The following BASP1 variants were observed in gnomAD, a reference collection of about 807,000 sequenced individuals.
The protein encoded by BASP1 is brain abundant membrane attached signal protein 1.
A neutral mutation model predicts 2.2 loss-of-function variants in BASP1; 1 was observed. The ratio of observed to expected loss-of-function variants is 0.46; its 90% CI spans 0.16 to 2.17. The LOEUF (loss-of-function observed/expected upper bound fraction) is 2.17. BASP1 is among the 30% of genes most tolerant of loss of function. The probability of loss-of-function intolerance (pLI) is 0.27; values close to 1 mark genes in which losing one functional copy is unlikely to be tolerated. For missense variants in BASP1, 352 were observed against 327.2 expected (o/e 1.08, Z -0.58); for synonymous variants, 187 against 154.2 (o/e 1.21, Z -1.58).
rs55917297 is a variant in BASP1, at chr5:17,276,633, G to GAAAAAAAAAAA, written c.*742_*752dup. 9.6e-6 allele frequency: 1 copy of GAAAAAAAAAAA among 104,660 alleles called. No individual in the cohort carries two copies. The highest frequency in any genetic ancestry group is 4.0e-5 in the African/African-American group (1 of 24,706). 6.5% of individuals were successfully genotyped at this position (104,660 alleles called of 1,614,324 possible). ...GTTCTGTTTATTGGTCAGTGGAAAT[G>GAAAAAAAAAAA]AAAAAAAAAAAAAAAAAAAGTCTGC... On this transcript the variant is annotated 3_prime_UTR_variant, in exon 2 of 2. Transcript: ENST00000322611.
chr5:17,225,238 T>C (rs781115257), intron 1 of BASP1, among the ~76,000 whole-genome samples: 11 of 151,744 alleles, frequency 7.2e-5, no homozygotes, highest in Non-Finnish European at 1.3e-4. Context: ...AAAACTTTTT[T>C]TTCTACCATT....
intron 1 of BASP1, among the ~76,000 whole-genome samples, chr5:17,261,589 T>C (rs559193559): frequency 6.5e-4 from 99 of 152,112 alleles, no homozygotes; most frequent in Admixed American, 1.9e-3. Context: ...AACCATCAGA[T>C]TTGGAATTTA....
At chr5:17,266,652 T>C (rs976050359) in intron 1 of BASP1, among the ~76,000 whole-genome samples, 3 of 151,842 alleles carry the variant, frequency 2.0e-5, no homozygotes, top group Admixed American at 2.0e-4. Flanking sequence ...ACTAAAATAC[T>C]AAAAATACAA....
At chr5:17,266,849 G>C (rs1740425048) in intron 1 of BASP1, among the ~76,000 whole-genome samples, 1 of 149,854 alleles carries the variant, frequency 6.7e-6, no homozygotes, top group Non-Finnish European at 1.5e-5. Context: ...ATCTGACCTG[G>C]AACTCTTTCT....
chr5:17,263,069 G>A (rs1016564994), intron 1 of BASP1, among the ~76,000 whole-genome samples: 8 of 152,042 alleles, frequency 5.3e-5, no homozygotes, highest in African/African-American at 1.4e-4. Context: ...GGATGGTCTC[G>A]ATCTCCTGAC....
At chr5:17,243,483 G>C (rs1306618551) in intron 1 of BASP1, among the ~76,000 whole-genome samples, 2 of 152,052 alleles carry the variant, frequency 1.3e-5, no homozygotes, top group Non-Finnish European at 2.9e-5. Context: ...TCAGTTTCCG[G>C]TGTCTAACTT....
chr5:17,263,733 T>G (rs1740365693), intron 1 of BASP1, among the ~76,000 whole-genome samples: 1 of 152,256 alleles, frequency 6.6e-6, no homozygotes, highest in Admixed American at 6.5e-5. Context: ...TGTACTTTGT[T>G]CCCTCAAGTT....
At chr5:17,266,066 C>G (rs1740410172) in intron 1 of BASP1, among the ~76,000 whole-genome samples, 1 of 152,168 alleles carries the variant, frequency 6.6e-6, no homozygotes, top group South Asian at 2.1e-4. Context: ...CTGGTAGCAC[C>G]ACAGAGCAAG....
chr5:17,223,193 C>G (rs1369766110), intron 1 of BASP1, among the ~76,000 whole-genome samples: 1 of 152,008 alleles, frequency 6.6e-6, no homozygotes, highest in Non-Finnish European at 1.5e-5. Context: ...ACTTTGGAGC[C>G]ACAGCACCAG....
In BASP1 at chr5:17,229,321, C is replaced by T. The variant is rs546745060; in HGVS notation, c.-10+11511C>T. 1.1e-4 allele frequency among the ~76,000 whole-genome samples: 16 copies of T among 152,284 alleles called. No homozygotes were observed. In the South Asian group the frequency reaches 1.9e-3, roughly 18 times the overall value. The stretch of plus-strand genomic sequence containing the variant: ...TCTTGTTAAATAAGGTTTGAAAACC[C>T]TTCCGAAAAGGAAGAAATGGCTGTA... On this transcript the variant is annotated intron_variant, in intron 1 of 1. Transcript: ENST00000322611.
At chr5:17,232,500 AGGTTAGGACCT>A (rs1739653143) in intron 1 of BASP1, among the ~76,000 whole-genome samples, 1 of 152,200 alleles carries the variant, frequency 6.6e-6, no homozygotes, top group Non-Finnish European at 1.5e-5. Flanking sequence ...GAGTTCTACG[AGGTTAGGACCT>A]TGCTTTGTTC....
In BASP1 at chr5:17,276,764, A is replaced by G. The variant is rs559283409; in HGVS notation, c.*864A>G. 1.8e-5 allele frequency: 3 copies of G among 166,982 alleles called. No individual in the cohort carries two copies. The highest frequency in any genetic ancestry group is 4.4e-5 in the Non-Finnish European group (3 of 68,088). The allele number at this position is 166,982 out of a possible 1,614,324, so 10.3% of individuals were successfully genotyped here. A position where few individuals can be genotyped will look rare whatever the true frequency, so the allele number is the denominator to read the frequency against. ...CAAAAAAAAAACAAAAAAATGTACA[A>G]TGGATGCATTGAAATTATATGTAAT... On this transcript the variant is annotated 3_prime_UTR_variant, in exon 2 of 2. Coordinates refer to ENST00000322611, the MANE Select transcript of BASP1 (RefSeq NM_006317.5).
chr5:17,245,117 T>G (rs1579490433), intron 1 of BASP1, among the ~76,000 whole-genome samples: 1 of 151,482 alleles, frequency 6.6e-6, no homozygotes, highest in South Asian at 2.1e-4. Context: ...GCCTGACCAA[T>G]ATGATGAAAC....
At chr5:17,263,591 A>C (rs890888452) in intron 1 of BASP1, among the ~76,000 whole-genome samples, 1 of 152,186 alleles carries the variant, frequency 6.6e-6, no homozygotes, top group Non-Finnish European at 1.5e-5. Flanking sequence ...CATGAAGAAT[A>C]ATGGAGGCGT....
chr5:17,248,430 ATGG>A (rs1408986719), intron 1 of BASP1, among the ~76,000 whole-genome samples: 2 of 152,210 alleles, frequency 1.3e-5, no homozygotes, highest in Non-Finnish European at 2.9e-5. Flanking sequence ...CAATACATAT[ATGG>A]TATTCATTTT....
intron 1 of BASP1, among the ~76,000 whole-genome samples, chr5:17,266,814 CAAAAAAAAAAA>C (rs70943882): frequency 0.39 from 43,387 of 112,144 alleles, 6,888 homozygotes; most frequent in South Asian, 0.49. Context: ...GATCCTGTCT[CAAAAAAAAAAA>C]AAAAAAAAAA....
intron 1 of BASP1, among the ~76,000 whole-genome samples, chr5:17,230,995 C>T (rs1183272470): frequency 9.8e-6 from 1 of 102,010 alleles, no homozygotes; most frequent in African/African-American, 4.8e-5. Flanking sequence ...TCATGAATCC[C>T]CAGTGAAATT....
In BASP1 at chr5:17,275,379, A is replaced by C; in HGVS notation, c.163A>C (p.Lys55Gln). The C allele has an allele frequency of 2.5e-6, 4 of 1,597,984 alleles. No individual in the cohort carries two copies. Among genetic ancestry groups the C allele is most frequent in the Non-Finnish European group, 3.4e-6 (4 of 1,172,546 alleles). The change falls in exon 2 of 2, where the codon AAG becomes CAG. Residue 55 changes from lysine (K) to glutamine (Q), a missense_variant. Coordinates refer to ENST00000322611, the MANE Select transcript of BASP1 (RefSeq NM_006317.5). This position sits in a 1 kb window ranked among gnomAD's most constrained non-coding sequence, Gnocchi z 5.3. The part of the protein sequence containing the change: ...AAEPAEAKEG[K>Q]EKPDQDAEGK... Reference sequence around the variant, plus strand: ...AGAGCCCGCCGAGGCCAAGGAGGGCAAGGAGAAGCCCGACCAGGACGCCGA... The same window carrying C: ...AGAGCCCGCCGAGGCCAAGGAGGGCCAGGAGAAGCCCGACCAGGACGCCGA...
chr5:17,235,085 A>T (rs1452704297), intron 1 of BASP1, among the ~76,000 whole-genome samples: 1 of 152,134 alleles, frequency 6.6e-6, no homozygotes, highest in Non-Finnish European at 1.5e-5. Flanking sequence ...GCTAGTTCTT[A>T]AAACACAGTA....
Sources: allele counts gnomAD v4.1 joint callset (sites outside exome capture counted in the v4.1 genomes callset), GRCh38; gene constraint gnomAD v4.1.1; non-coding constraint Gnocchi (gnomAD v3.1); transcripts MANE v1.5; gene names NCBI Gene and HGNC (gene_info 2026-07-23, HGNC 2026-07-21).